The following SLC35E2B variants were observed in gnomAD, a reference collection of about 807,000 sequenced individuals.
SLC35E2B encodes solute carrier family 35, member E2B.
In SLC35E2B, 18 loss-of-function variants were observed where a neutral mutation model predicts 32.4. The observed-to-expected ratio is 0.56, with a 90% CI of 0.38 to 0.82. The LOEUF is 0.82. SLC35E2B is among the 40% of genes least tolerant of loss of function. The pLI is 0.00. For synonymous variants in SLC35E2B, 132 were observed against 209.1 expected (o/e 0.63, Z 3.18); for missense variants, 263 against 469.5 (o/e 0.56, Z 4.06).
At chr1:1,670,225 G>T in intron 6 of SLC35E2B, 74 bp from the exon 7 acceptor site, 1 of 1,114,494 alleles carries the variant, frequency 9.0e-7, no homozygotes, top group Non-Finnish European at 1.3e-6. Context: ...AGGTGTCTGC[G>T]CTCACACGGA....
At chr1:1,669,625 C>A in intron 8 of SLC35E2B, 39 bp downstream of exon 8, 1 of 1,492,660 alleles carries the variant, frequency 6.7e-7, no homozygotes, top group Non-Finnish European at 9.0e-7. Context: ...AGAAGGCAGC[C>A]CGGCAAGTAA....
intron 2 of SLC35E2B, among the ~76,000 whole-genome samples, chr1:1,688,001 A>G (rs547880144): frequency 6.6e-6 from 1 of 152,256 alleles, no homozygotes; most frequent in African/African-American, 2.4e-5. Context: ...TGGGAAAGAC[A>G]CCAGAGGAGC....
intron 8 of SLC35E2B, among the ~76,000 whole-genome samples, chr1:1,668,962 G>C (rs1019344548): frequency 1.6e-4 from 24 of 149,470 alleles, no homozygotes; most frequent in Admixed American, 1.1e-3. Flanking sequence ...CTGTACCCCA[G>C]CCTGGGCAAC....
chr1:1,678,689 C>G (rs148274048), intron 2 of SLC35E2B, among the ~76,000 whole-genome samples: 26 of 152,112 alleles, frequency 1.7e-4, no homozygotes, highest in African/African-American at 6.0e-4. Flanking sequence ...GGGCCACTGA[C>G]AGTGCCAGAT....
intron 2 of SLC35E2B, among the ~76,000 whole-genome samples, chr1:1,685,673 G>A (rs1350940969): frequency 9.9e-5 from 15 of 152,028 alleles, no homozygotes; most frequent in Non-Finnish European, 2.9e-5. Flanking sequence ...TCAAACAAAC[G>A]ACACAATCAC....
rs551339675 is a variant in SLC35E2B, at chr1:1,689,880, G to A, written c.-148+1096C>T. On this transcript the variant is annotated intron_variant, in intron 2 of 9. Coordinates refer to ENST00000617444, the MANE Select transcript of SLC35E2B (RefSeq NM_001290264.2). ...TATGCACCTGTAATCCCAGCTACTCGGGAGGGTGAGGCAGGAGAATTGCTT... is the reference window on the plus strand; with the variant it reads ...TATGCACCTGTAATCCCAGCTACTCAGGAGGGTGAGGCAGGAGAATTGCTT... Among the ~76,000 whole-genome samples, 9 of 150,934 alleles carry A rather than the reference G, an allele frequency of 6.0e-5. No homozygotes were observed. In the East Asian group the frequency reaches 9.7e-4, roughly 16 times the overall value.
At chr1:1,669,759 G>A in intron 7 of SLC35E2B, 23 bp from the exon 8 acceptor site, 2 of 1,548,354 alleles carry the variant, frequency 1.3e-6, no homozygotes, top group Non-Finnish European at 1.7e-6. Flanking sequence ...GAACACGCTG[G>A]GCCCCCCGTG....
chr1:1,674,635 AAAAAAAAAAAAC>A, intron 5 of SLC35E2B, among the ~76,000 whole-genome samples: 1 of 148,046 alleles, frequency 6.8e-6, no homozygotes, highest in Non-Finnish European at 1.5e-5. Flanking sequence ...AAAAAAAACA[AAAAAAAAAAAAC>A]AAAAAAAAAC....
intron 7 of SLC35E2B, 87 bp from the exon 8 acceptor site, chr1:1,669,823 C>T (rs765350201): frequency 1.8e-5 from 25 of 1,360,872 alleles, no homozygotes; most frequent in East Asian, 2.5e-5. Flanking sequence ...CACCCAGGCA[C>T]CCCAGCCCAG....
chr1:1,670,205 C>G, intron 6 of SLC35E2B, 54 bp from the exon 7 acceptor site: 1 of 1,325,714 alleles, frequency 7.5e-7, no homozygotes, highest in Non-Finnish European at 1.1e-6. Flanking sequence ...CACGGAACAT[C>G]AGGGGGAGAA....
chr1:1,680,127 C>CA lies in SLC35E2B; in HGVS notation c.-147-3282dup, dbSNP rs886687306. ...GGGCAACAAGAGTGAAACTCCGTCT[C>CA]AAAAAAAAAAAATTTTTTTTTAATG... is the stretch of plus-strand genomic sequence containing the variant. On this transcript the variant is annotated intron_variant, in intron 2 of 9. Coordinates refer to ENST00000617444, the MANE Select transcript of SLC35E2B (RefSeq NM_001290264.2). Among the ~76,000 whole-genome samples the CA allele has an allele frequency of 6.2e-3, 901 of 144,386 alleles. 10 individuals are homozygous for CA. Among genetic ancestry groups the CA allele is most frequent in the African/African-American group, 0.021 (834 of 39,266 alleles). 94.7% of individuals were successfully genotyped at this position (144,386 alleles called of 152,430 possible). A position where few individuals can be genotyped will look rare whatever the true frequency, so the allele number is the denominator to read the frequency against.
rs147631655 is a variant in SLC35E2B at position 1,687,125 on chromosome 1, G to A, written c.-148+3851C>T. On this transcript the variant is annotated intron_variant, in intron 2 of 9. Transcript: ENST00000617444. ...GGAATGACCCCCGCGGTGTCGGCCT[G>A]TGAGGGTGCTGTCGGGCCCGAGCGC... Among the ~76,000 whole-genome samples the A allele has an allele frequency of 6.3e-3, 953 of 152,306 alleles. 11 individuals carry two copies. Among genetic ancestry groups the A allele is most frequent in the African/African-American group, 0.022 (912 of 41,556 alleles).
chr1:1,681,404 T>C (rs1163543056), intron 2 of SLC35E2B, among the ~76,000 whole-genome samples: 4 of 151,430 alleles, frequency 2.6e-5, no homozygotes, highest in Admixed American at 6.6e-5. Flanking sequence ...AGACAGGGTT[T>C]CACCATGTTA....
chr1:1,685,108 CAA>C (rs202244077), intron 2 of SLC35E2B, among the ~76,000 whole-genome samples: 89 of 118,836 alleles, frequency 7.5e-4, no homozygotes, highest in Non-Finnish European at 7.1e-4. Flanking sequence ...AACTCCGTCT[CAA>C]AAAAAAAAAA....
intron 8 of SLC35E2B, among the ~76,000 whole-genome samples, chr1:1,668,844 AG>A (rs1451021631): frequency 6.6e-6 from 1 of 152,052 alleles, no homozygotes; most frequent in African/African-American, 2.4e-5. Flanking sequence ...CATAAAAACT[AG>A]CCAGGCGTGG....
chr1:1,687,263 C>T (rs1643962698), intron 2 of SLC35E2B, among the ~76,000 whole-genome samples: 1 of 152,080 alleles, frequency 6.6e-6, no homozygotes, highest in African/African-American at 2.4e-5. Flanking sequence ...GCGCCCTAAC[C>T]TTGGTTTCTA....
At chr1:1,670,423 A>ATT (rs34950577) in intron 6 of SLC35E2B, 70 of 212,048 alleles carry the variant, frequency 3.3e-4, no homozygotes, top group South Asian at 7.1e-4. Flanking sequence ...CGCCCAACAG[A>ATT]TTTTTTTTTT....
Position 1,671,636 on chromosome 1 carries a change from A to C in SLC35E2B, c.587-7T>G. ...GAGAGGTTGACCAGCAGCCCTGGCGAGAGGACAGCCCCTGTGAGTGGCTGA... is the reference window on the plus strand; with the variant it reads ...GAGAGGTTGACCAGCAGCCCTGGCGCGAGGACAGCCCCTGTGAGTGGCTGA... On this transcript the variant is annotated splice_region_variant and splice_polypyrimidine_tract_variant and intron_variant, in intron 5 of 9. Coordinates refer to ENST00000617444, the MANE Select transcript of SLC35E2B (RefSeq NM_001290264.2). 1 of 1,538,732 alleles carries C rather than the reference A, an allele frequency of 6.5e-7. No homozygotes were observed. The highest frequency in any genetic ancestry group is 8.8e-7 in the Non-Finnish European group (1 of 1,140,330).
chr1:1,672,452 C>A (rs544466716), intron 5 of SLC35E2B: 1 of 152,364 alleles, frequency 6.6e-6, no homozygotes, highest in East Asian at 1.9e-4. Context: ...TGCGGGGAGG[C>A]TCCAGCCAGA....
Sources: allele counts gnomAD v4.1 joint callset (sites outside exome capture counted in the v4.1 genomes callset), GRCh38; gene constraint gnomAD v4.1.1; transcripts MANE v1.5; gene names NCBI Gene and HGNC (gene_info 2026-07-23, HGNC 2026-07-21).